Variants in MUSK observed in about 807,000 individuals in gnomAD.
The protein encoded by MUSK is muscle associated receptor tyrosine kinase, also known as muscle, skeletal receptor tyrosine-protein kinase.
Under a neutral mutation model 88.7 loss-of-function variants are expected in MUSK, and 55 were observed. The ratio of observed to expected loss-of-function variants is 0.62; its 90% confidence interval spans 0.50 to 0.78. The LOEUF (loss-of-function observed/expected upper bound fraction) is 0.78, where lower values mean the gene tolerates loss of function less well. MUSK is among the 30% of genes least tolerant of loss of function. The pLI is 0.00. For missense variants in MUSK, 1,015 were observed against 1,074.3 expected (o/e 0.94, Z 0.77); for synonymous variants, 387 against 391.9 (o/e 0.99, Z 0.15).
At chr9:110,764,480 T>C (rs1253128911) in intron 8 of MUSK, among the ~76,000 whole-genome samples, 1 of 152,082 alleles carries the variant, frequency 6.6e-6, no homozygotes, top group Non-Finnish European at 1.5e-5. Flanking sequence ...CTGTGTAAAA[T>C]TGAAGGCTTA....
chr9:110,729,773 T>C (rs1587964626), intron 5 of MUSK, among the ~76,000 whole-genome samples: 1 of 151,944 alleles, frequency 6.6e-6, no homozygotes, highest in Admixed American at 6.6e-5. Flanking sequence ...TGCTCAGAAA[T>C]AGAAATTGAT....
At chr9:110,797,209 A>G (rs1376443541) in intron 14 of MUSK, among the ~76,000 whole-genome samples, 1 of 148,688 alleles carries the variant, frequency 6.7e-6, no homozygotes. Context: ...CAGCATGCAA[A>G]CAAGTAATAC....
chr9:110,710,007 T>TA (rs11411228), intron 5 of MUSK, among the ~76,000 whole-genome samples: 4,732 of 152,008 alleles, frequency 0.031, 247 homozygotes, highest in African/African-American at 0.1. Context: ...TAAAAATATT[T>TA]AAAAAAAATA....
At chr9:110,695,370 C>G in intron 3 of MUSK, 33 bp from the exon 4 acceptor site, 2 of 1,394,320 alleles carry the variant, frequency 1.4e-6, no homozygotes, top group Non-Finnish European at 1.9e-6. Context: ...AGCCATATTG[C>G]CTTATTTATT....
chr9:110,720,937 A>G (rs145426365), intron 5 of MUSK, among the ~76,000 whole-genome samples: 417 of 152,290 alleles, frequency 2.7e-3, no homozygotes, highest in Non-Finnish European at 4.8e-3. Flanking sequence ...ATGGTTTAAC[A>G]TATGTAACTC....
chr9:110,733,942 G>C (rs972445071), intron 5 of MUSK, among the ~76,000 whole-genome samples: 2 of 152,074 alleles, frequency 1.3e-5, no homozygotes, highest in African/African-American at 2.4e-5. Context: ...CACTTAAACA[G>C]AGACTTGAAT....
chr9:110,750,029 AAT>A (rs1333157851), intron 7 of MUSK, among the ~76,000 whole-genome samples: 1 of 151,666 alleles, frequency 6.6e-6, no homozygotes. Flanking sequence ...AAAATCTATC[AAT>A]ATATATTTAT....
At chr9:110,731,012 T>C (rs2076956362) in intron 5 of MUSK, among the ~76,000 whole-genome samples, 1 of 152,012 alleles carries the variant, frequency 6.6e-6, no homozygotes, top group African/African-American at 2.4e-5. Context: ...GGGAGACTGA[T>C]AGCTCAGAAT....
chr9:110,747,961 G>T, intron 7 of MUSK, 161 bp downstream of exon 7: 1 of 1,025,508 alleles, frequency 9.8e-7, no homozygotes, highest in Non-Finnish European at 1.5e-6. Context: ...AGGTGACCTA[G>T]ATATGGATTT....
At chr9:110,725,679 T>A (rs2076874522) in intron 5 of MUSK, among the ~76,000 whole-genome samples, 1 of 152,046 alleles carries the variant, frequency 6.6e-6, no homozygotes, top group African/African-American at 2.4e-5. Context: ...TACAAGAGAC[T>A]GTGCTGGACT....
chr9:110,749,861 T>C (rs2077225753), intron 7 of MUSK, among the ~76,000 whole-genome samples: 2 of 152,066 alleles, frequency 1.3e-5, no homozygotes, highest in Non-Finnish European at 2.9e-5. Context: ...AGCAATAATA[T>C]ATAAACACAA....
chr9:110,689,191 C>T (rs7465935), intron 3 of MUSK, among the ~76,000 whole-genome samples: 1 of 13,816 alleles, frequency 7.2e-5, no homozygotes, highest in South Asian at 1.2e-3. Context: ...ATAAATATAT[C>T]ATATATATAT....
rs369015815 is a variant in MUSK, at chr9:110,775,926, T to C, written c.1323T>C (p.His441=). ...VPECSKLPSM[H]WDPTACARLP... ...AATGCAGCAAGCTTCCCAGCATGCA[T>C]TGGGACCCCACGGCCTGTGCCAGAC... Residue 441 remains histidine (H), a synonymous_variant, in exon 10 of 15, where the codon CAT becomes CAC. Transcript: ENST00000374448. 1.0e-4 allele frequency: 161 copies of C among 1,613,806 alleles called. 1 individual carries two copies. The highest frequency in any genetic ancestry group is 1.0e-4 in the Non-Finnish European group (122 of 1,179,820).
intron 5 of MUSK, among the ~76,000 whole-genome samples, chr9:110,710,265 T>A (rs2076651145): frequency 6.6e-6 from 1 of 152,194 alleles, no homozygotes; most frequent in South Asian, 2.1e-4. Context: ...TTACCAGTTA[T>A]GTGAGGTAGG....
intron 4 of MUSK, among the ~76,000 whole-genome samples, chr9:110,697,035 T>C (rs1008704265): frequency 6.7e-6 from 1 of 148,464 alleles, no homozygotes; most frequent in Non-Finnish European, 1.5e-5. Context: ...CATATACATA[T>C]ATATATTATA....
chr9:110,716,956 T>C (rs2076752219), intron 5 of MUSK, among the ~76,000 whole-genome samples: 1 of 149,922 alleles, frequency 6.7e-6, no homozygotes, highest in Admixed American at 6.6e-5. Context: ...ATTTTTCCTT[T>C]GTTTTGTGTT....
intron 5 of MUSK, among the ~76,000 whole-genome samples, chr9:110,723,274 G>A (rs1243897770): frequency 1.7e-5 from 2 of 117,074 alleles, no homozygotes; most frequent in Non-Finnish European, 3.9e-5. Context: ...TACATACCAT[G>A]GAATACTACT....
At chr9:110,696,533 T>C (rs533485887) in intron 4 of MUSK, among the ~76,000 whole-genome samples, 1 of 152,306 alleles carries the variant, frequency 6.6e-6, no homozygotes, top group Admixed American at 6.5e-5. Flanking sequence ...ATAAAATAAA[T>C]ATTGCTAATT....
chr9:110,753,686 G>A (rs1043650763), intron 7 of MUSK, among the ~76,000 whole-genome samples: 4 of 151,834 alleles, frequency 2.6e-5, no homozygotes, highest in Admixed American at 6.6e-5. Flanking sequence ...TCGACCTCAG[G>A]GTCTAAGCCT....
Sources: allele counts gnomAD v4.1 joint callset (sites outside exome capture counted in the v4.1 genomes callset), GRCh38; gene constraint gnomAD v4.1.1; transcripts MANE v1.5; gene names NCBI Gene and HGNC (gene_info 2026-07-23, HGNC 2026-07-21).